Variants in MCU observed in about 807,000 individuals in gnomAD.
MCU encodes the protein calcium uniporter protein, mitochondrial.
Under a neutral mutation model 45.2 loss-of-function variants are expected in MCU, and 12 were observed. The ratio of observed to expected loss-of-function variants is 0.27; its 90% CI spans 0.17 to 0.43. The LOEUF is 0.43. Among genes scored for constraint, MCU ranks in the 20% least tolerant of loss-of-function variants. MCU has a pLI of 1.00. For missense variants in MCU, 324 were observed against 436.7 expected (o/e 0.74, Z 2.30); for synonymous variants, 160 against 165.1 (o/e 0.97, Z 0.24).
At chr10:72,775,621 A>G (rs1341009396) in intron 1 of MCU, among the ~76,000 whole-genome samples, 1 of 152,148 alleles carries the variant, frequency 6.6e-6, no homozygotes, top group East Asian at 1.9e-4. Context: ...GATAACCAAT[A>G]TCAACAAATC....
chr10:72,730,190 A>T (rs1423728815), intron 1 of MCU, among the ~76,000 whole-genome samples: 1 of 151,588 alleles, frequency 6.6e-6, no homozygotes, highest in Non-Finnish European at 1.5e-5. Context: ...CTAACTCCTG[A>T]CCTAAAGTAA....
chr10:72,799,680 A>C (rs1844309491), intron 1 of MCU, among the ~76,000 whole-genome samples: 1 of 152,124 alleles, frequency 6.6e-6, no homozygotes, highest in Admixed American at 6.5e-5. Context: ...GATACTGCTA[A>C]ATCTCTCTAA....
intron 1 of MCU, among the ~76,000 whole-genome samples, chr10:72,737,522 T>C (rs1218613589): frequency 3.5e-5 from 5 of 140,942 alleles, no homozygotes; most frequent in Non-Finnish European, 7.8e-5. Flanking sequence ...TTTTCTTTCC[T>C]TTTTTTTTTT....
intron 1 of MCU, among the ~76,000 whole-genome samples, chr10:72,702,729 C>A (rs1002876831): frequency 6.6e-6 from 1 of 152,166 alleles, no homozygotes; most frequent in Non-Finnish European, 1.5e-5. Flanking sequence ...GTAATCCCAA[C>A]GCTTTGGGAG....
Position 72,862,183 on chromosome 10 carries a change from G to A in MCU, c.496+1656G>A, listed in dbSNP as rs565395565. Among the ~76,000 whole-genome samples, 10 of 151,972 alleles carry A rather than the reference G, an allele frequency of 6.6e-5. No individual in the cohort carries two copies. The East Asian group carries it at 1.4e-3, about 21-fold the overall frequency. On this transcript the variant is annotated intron_variant, in intron 4 of 7. Transcript: ENST00000373053. ...TTTTTAGTAGAGACGGGGTTTCACC[G>A]TGTTAGCCAGGATGGTCTCGATCTC...
At chr10:72,715,847 G>A in intron 1 of MCU, 1 of 985,322 alleles carries the variant, frequency 1.0e-6, no homozygotes, top group East Asian at 1.1e-4. Context: ...TTCCTGCTCT[G>A]TCTTAGGTAT....
chr10:72,786,940 T>C (rs995762583), intron 1 of MCU, among the ~76,000 whole-genome samples: 4 of 152,146 alleles, frequency 2.6e-5, no homozygotes, highest in Admixed American at 2.0e-4. Flanking sequence ...CTCTCTCTTA[T>C]GAATCCTTAC....
At chr10:72,753,378 G>T (rs944345874) in intron 1 of MCU, among the ~76,000 whole-genome samples, 2 of 152,040 alleles carry the variant, frequency 1.3e-5, no homozygotes, top group Non-Finnish European at 2.9e-5. Context: ...TTGTTACATT[G>T]TACAATATAG....
chr10:72,871,289 C>T, intron 5 of MCU, 88 bp from the exon 6 acceptor site: 1 of 1,141,522 alleles, frequency 8.8e-7, no homozygotes, highest in East Asian at 2.4e-5. Context: ...TGATGATGAG[C>T]CCTGTTTCTT....
chr10:72,775,162 G>T (rs1372196951), intron 1 of MCU, among the ~76,000 whole-genome samples: 5 of 151,990 alleles, frequency 3.3e-5, no homozygotes, highest in Non-Finnish European at 5.9e-5. Flanking sequence ...CAAGTCTGAA[G>T]AAATTTTTAA....
chr10:72,832,088 A>G (rs1844886853), intron 1 of MCU, among the ~76,000 whole-genome samples: 1 of 152,118 alleles, frequency 6.6e-6, no homozygotes, highest in Admixed American at 6.5e-5. Context: ...TTTTTAAGAG[A>G]TGAGGTCTCA....
intron 2 of MCU, 100 bp from the exon 3 acceptor site, chr10:72,859,077 A>G: frequency 8.7e-7 from 1 of 1,153,190 alleles, no homozygotes; most frequent in African/African-American, 1.6e-5. Context: ...AACATTTTAA[A>G]TCACACTAAT....
chr10:72,859,102 C>A, intron 2 of MCU, 75 bp from the exon 3 acceptor site: 2 of 1,361,488 alleles, frequency 1.5e-6, no homozygotes, highest in Non-Finnish European at 2.0e-6. Flanking sequence ...GACCCCCATG[C>A]AAGAATGGTA....
In MCU at chr10:72,694,467, A is replaced by G. The variant is rs79048123; in HGVS notation, c.150+2166A>G. On this transcript the variant is annotated intron_variant, in intron 1 of 7. Coordinates refer to ENST00000373053, the MANE Select transcript of MCU (RefSeq NM_138357.3). The stretch of plus-strand genomic sequence containing the variant: ...CCTTTACATCTCTCTCCTCCCTTAT[A>G]AAATTTACTATTGTCCATTATGAAA... 2.9e-3 allele frequency among the ~76,000 whole-genome samples: 440 copies of G among 152,328 alleles called. 3 individuals carry two copies. The highest frequency in any genetic ancestry group is 0.01 in the African/African-American group (416 of 41,568).
chr10:72,699,305 G>C (rs868427475), intron 1 of MCU, among the ~76,000 whole-genome samples: 3 of 152,206 alleles, frequency 2.0e-5, no homozygotes, highest in Non-Finnish European at 2.9e-5. Flanking sequence ...AGGAGTTCGA[G>C]ACCAGCCTGA....
At chr10:72,761,917 G>C (rs1843661997) in intron 1 of MCU, among the ~76,000 whole-genome samples, 1 of 152,070 alleles carries the variant, frequency 6.6e-6, no homozygotes, top group Non-Finnish European at 1.5e-5. Context: ...GCTCCCACTT[G>C]TAAGTGAGAA....
intron 2 of MCU, among the ~76,000 whole-genome samples, chr10:72,852,328 T>C (rs1845219743): frequency 6.6e-6 from 1 of 152,260 alleles, no homozygotes; most frequent in Non-Finnish European, 1.5e-5. Flanking sequence ...TTCAAATTAC[T>C]ATTTTGACCT....
intron 1 of MCU, among the ~76,000 whole-genome samples, chr10:72,737,977 G>A (rs1021123301): frequency 3.9e-5 from 6 of 152,054 alleles, no homozygotes; most frequent in South Asian, 2.1e-4. Context: ...GTATTGTTGC[G>A]GTTATCTTCA....
intron 1 of MCU, among the ~76,000 whole-genome samples, chr10:72,701,607 A>T (rs1013412120): frequency 6.6e-6 from 1 of 152,040 alleles, no homozygotes; most frequent in African/African-American, 2.4e-5. Context: ...GCTCACTGCA[A>T]GCTCCGCCTC....
Sources: allele counts gnomAD v4.1 joint callset (sites outside exome capture counted in the v4.1 genomes callset), GRCh38; gene constraint gnomAD v4.1.1; transcripts MANE v1.5; gene names NCBI Gene and HGNC (gene_info 2026-07-23, HGNC 2026-07-21).